The following EYS variants were observed in gnomAD, a reference collection of about 807,000 sequenced individuals.
EYS encodes EGF-like photoreceptor maintenance factor, also known as protein eyes shut homolog.
Under a neutral mutation model 282.1 loss-of-function variants are expected in EYS, and 250 were observed. That is an observed-to-expected ratio of 0.89 (90% CI 0.80 to 0.98). EYS has a LOEUF of 0.98. Ranked by LOEUF, EYS falls within the 50% of genes least tolerant of loss-of-function variation. EYS has a pLI of 0.00. For missense variants in EYS, 4,016 were observed against 3,709.0 expected (o/e 1.08, Z -2.15); for synonymous variants, 1,355 against 1,282.9 (o/e 1.06, Z -1.20).
intron 10 of EYS, among the ~76,000 whole-genome samples, chr6:65,340,670 A>G (rs961389051): frequency 2.6e-5 from 4 of 150,988 alleles, no homozygotes; most frequent in Admixed American, 1.3e-4. Flanking sequence ...CAACTGACTC[A>G]AGGCTCTACA....
At chr6:64,396,094 ACTCT>A (rs966876121) in intron 28 of EYS, among the ~76,000 whole-genome samples, 5 of 151,530 alleles carry the variant, frequency 3.3e-5, no homozygotes, top group African/African-American at 7.3e-5. Context: ...GCACACACAT[ACTCT>A]CTCTCACAAC....
At position 64,587,894 on chromosome 6, in the gene EYS, AT is replaced by A. The variant is rs553242215; in HGVS notation, c.5644+2328del. ...TGACCCGCATGTATACCATTGATTG[AT>A]TTTTGACAAGGTGTAAAAGTAATTT... On this transcript the variant is annotated intron_variant, in intron 26 of 42. Transcript: ENST00000503581. 1.2e-3 allele frequency among the ~76,000 whole-genome samples: 185 copies of A among 152,146 alleles called. 2 individuals are homozygous for A. Among genetic ancestry groups the A allele is most frequent in the Admixed American group, 4.7e-3 (71 of 15,244 alleles).
At chr6:65,009,557 C>T (rs1771798851) in intron 13 of EYS, among the ~76,000 whole-genome samples, 1 of 152,160 alleles carries the variant, frequency 6.6e-6, no homozygotes, top group Non-Finnish European at 1.5e-5. Context: ...CCCAACGTCT[C>T]AACTCACCTG....
chr6:64,642,908 G>T (rs1418049627), intron 22 of EYS, among the ~76,000 whole-genome samples: 1 of 152,202 alleles, frequency 6.6e-6, no homozygotes, highest in Non-Finnish European at 1.5e-5. Flanking sequence ...CTGAGGTCAG[G>T]AGTTCGAGAC....
intron 11 of EYS, among the ~76,000 whole-genome samples, chr6:65,325,431 G>T (rs1254156524): frequency 6.6e-6 from 1 of 152,110 alleles, no homozygotes; most frequent in East Asian, 1.9e-4. Flanking sequence ...CTCTGCAATG[G>T]AGTTGAGAGA....
intron 29 of EYS, among the ~76,000 whole-genome samples, chr6:64,371,669 AGCTT>A: frequency 6.6e-6 from 1 of 152,206 alleles, no homozygotes. Context: ...GGTCTCTAAG[AGCTT>A]GATCTATGAA....
chr6:64,461,529 A>C (rs1414919961), intron 26 of EYS, among the ~76,000 whole-genome samples: 1 of 152,196 alleles, frequency 6.6e-6, no homozygotes, highest in Non-Finnish European at 1.5e-5. Flanking sequence ...GCATTAGTGG[A>C]AGATTGAGGA....
At chr6:64,717,576 T>G (rs1336755646) in intron 22 of EYS, among the ~76,000 whole-genome samples, 4 of 152,182 alleles carry the variant, frequency 2.6e-5, no homozygotes, top group Non-Finnish European at 4.4e-5. Context: ...ACTGATCACC[T>G]CCTGCTGTGC....
chr6:64,676,697 A>T (rs1252938610), intron 22 of EYS, among the ~76,000 whole-genome samples: 9 of 152,076 alleles, frequency 5.9e-5, no homozygotes, highest in African/African-American at 1.7e-4. Flanking sequence ...ACAGATCTGG[A>T]GACAGGGAAG....
intron 2 of EYS, among the ~76,000 whole-genome samples, chr6:65,606,802 CACAG>C (rs1213004516): frequency 6.6e-6 from 1 of 151,642 alleles, no homozygotes; most frequent in Non-Finnish European, 1.5e-5. Flanking sequence ...GAAATCTAAC[CACAG>C]ACAGATATAA....
chr6:65,260,185 A>G lies in EYS; in HGVS notation c.2023+35678T>C, dbSNP rs533335775. ...GGGAAGAGCCCCTTATAAAACCATC[A>G]CATCTCGTGAGAACTCACTCACTAT... On this transcript the variant is annotated intron_variant, in intron 12 of 42. Transcript: ENST00000503581. Among the ~76,000 whole-genome samples, 11 of 152,108 alleles carry G rather than the reference A, an allele frequency of 7.2e-5. No homozygotes were observed. In the South Asian group the frequency reaches 2.3e-3, roughly 32 times the overall value.
At chr6:64,394,035 C>T (rs1340132680) in intron 28 of EYS, among the ~76,000 whole-genome samples, 2 of 152,014 alleles carry the variant, frequency 1.3e-5, no homozygotes, top group South Asian at 2.1e-4. Context: ...TTCACAATTG[C>T]TTCAAAGAGA....
chr6:63,999,519 C>A (rs1372293121), intron 33 of EYS, among the ~76,000 whole-genome samples: 1 of 152,182 alleles, frequency 6.6e-6, no homozygotes, highest in Non-Finnish European at 1.5e-5. Context: ...GACATATGGT[C>A]TCCCTCATGT....
At chr6:65,184,656 T>C (rs1171811770) in intron 12 of EYS, among the ~76,000 whole-genome samples, 1 of 151,430 alleles carries the variant, frequency 6.6e-6, no homozygotes, top group East Asian at 1.9e-4. Context: ...AATAATAACA[T>C]TAATAATAAC....
At chr6:65,010,747 A>G (rs1771840874) in intron 13 of EYS, among the ~76,000 whole-genome samples, 3 of 152,248 alleles carry the variant, frequency 2.0e-5, no homozygotes, top group Admixed American at 1.3e-4. Context: ...GGGTAAATAT[A>G]TACACAGAAT....
intron 5 of EYS, among the ~76,000 whole-genome samples, chr6:65,465,129 A>C (rs1764955460): frequency 6.6e-6 from 1 of 152,190 alleles, no homozygotes; most frequent in Admixed American, 6.5e-5. Context: ...TGTCTATAAA[A>C]TGAAAAGAGA....
chr6:64,099,076 C>G (rs143284315), intron 31 of EYS, among the ~76,000 whole-genome samples: 1,739 of 152,294 alleles, frequency 0.011, 28 homozygotes, highest in African/African-American at 0.039. Context: ...CTCAATCCTT[C>G]TAATTTATCT....
At chr6:65,249,075 A>G (rs1016974153) in intron 12 of EYS, among the ~76,000 whole-genome samples, 9 of 151,702 alleles carry the variant, frequency 5.9e-5, no homozygotes, top group African/African-American at 2.2e-4. Context: ...GTGAAAAAAA[A>G]AAAACAAAAC....
At chr6:64,006,760 GT>G (rs1218322445) in intron 33 of EYS, among the ~76,000 whole-genome samples, 1 of 151,940 alleles carries the variant, frequency 6.6e-6, no homozygotes, top group Admixed American at 6.6e-5. Flanking sequence ...TAATCACGTG[GT>G]TTTTGTCTTT....
Sources: allele counts gnomAD v4.1 joint callset (sites outside exome capture counted in the v4.1 genomes callset), GRCh38; gene constraint gnomAD v4.1.1; transcripts MANE v1.5; gene names NCBI Gene and HGNC (gene_info 2026-07-23, HGNC 2026-07-21).